GDI2: variants seen among roughly 807,000 people sequenced by gnomAD.
GDI2 encodes the protein rab GDP dissociation inhibitor beta.
GDI2 carries 22 observed loss-of-function variants against 54.2 expected under a neutral mutation model. The ratio of observed to expected loss-of-function variants is 0.41; its 90% CI spans 0.29 to 0.58. The LOEUF is 0.58. Ranked by LOEUF, GDI2 falls within the 20% of genes least tolerant of loss-of-function variation. GDI2 has a pLI of 0.35. For synonymous variants in GDI2, 177 were observed against 182.1 expected, an observed-to-expected ratio of 0.97 and a Z score of 0.23; for missense variants, 422 against 546.0, an observed-to-expected ratio of 0.77 and a Z score of 2.26.
rs142276437 is a variant in GDI2 at position 5,812,511 on chromosome 10, G to C, written c.45+703C>G. On this transcript the variant is annotated intron_variant, in intron 1 of 10. Coordinates refer to ENST00000380191, the MANE Select transcript of GDI2 (RefSeq NM_001494.4). Reference sequence around the variant, plus strand: ...CCACCAAACAAAAGGAAAAGGCGGCGAAGGTCAGGTGCGAAAGCATTTGAC... The same window carrying C: ...CCACCAAACAAAAGGAAAAGGCGGCCAAGGTCAGGTGCGAAAGCATTTGAC... 6.1e-3 allele frequency among the ~76,000 whole-genome samples: 935 copies of C among 152,292 alleles called. 6 individuals are homozygous for C. The highest frequency in any genetic ancestry group is 8.2e-3 in the Non-Finnish European group (556 of 68,016).
Position 5,779,026 on chromosome 10 carries a change from A to G in GDI2, c.720-5085T>C, listed in dbSNP as rs368051541. On this transcript the variant is annotated intron_variant, in intron 6 of 10. Coordinates refer to ENST00000380191, the MANE Select transcript of GDI2 (RefSeq NM_001494.4). ...GTGATCCAAAGAAAACAGAAAAACA[A>G]ACAACAGAAACAGATGCCCAAATGT... 1.2e-4 allele frequency among the ~76,000 whole-genome samples: 18 copies of G among 152,324 alleles called. No homozygotes were observed. In the South Asian group the frequency reaches 3.3e-3, roughly 28 times the overall value.
At chr10:5,788,144 A>G (rs1467948557) in intron 4 of GDI2, among the ~76,000 whole-genome samples, 1 of 152,168 alleles carries the variant, frequency 6.6e-6, no homozygotes. Flanking sequence ...CATTCTGAAA[A>G]ACTCCTAATT....
In GDI2 at chr10:5,812,687, T is replaced by C. The variant is rs376129416; in HGVS notation, c.45+527A>G. Among the ~76,000 whole-genome samples the C allele has an allele frequency of 3.3e-5, 5 of 152,194 alleles. No individual in the cohort carries two copies. In the South Asian group the frequency reaches 1.0e-3, roughly 32 times the overall value. On this transcript the variant is annotated intron_variant, in intron 1 of 10. Transcript: ENST00000380191. ...TCCACGTTTTCGCCAAAAATATAAG[T>C]TAATCAAGCCCTAGCAGTTCCGAAG... is the stretch of plus-strand genomic sequence containing the variant.
In GDI2 at chr10:5,776,288, G is replaced by C. The variant is rs1418599452; in HGVS notation, c.720-2347C>G. ...GAAAAGGGCCCAGCGTGAAAAGACT[G>C]AAAGCCCAGCAGAACATAGGATGTA... On this transcript the variant is annotated intron_variant, in intron 6 of 10. Coordinates refer to ENST00000380191, the MANE Select transcript of GDI2 (RefSeq NM_001494.4). This position sits in a 1 kb window ranked among gnomAD's most constrained non-coding sequence, Gnocchi z 5.3. 1.8e-6 allele frequency: 1 copy of C among 551,386 alleles called. No individual in the cohort carries two copies. Among genetic ancestry groups the C allele is most frequent in the Admixed American group, 2.6e-5 (1 of 37,750 alleles). The allele number at this position is 551,386 out of a possible 1,614,324, so 34.2% of individuals were successfully genotyped here. A position where few individuals can be genotyped will look rare whatever the true frequency, so the allele number is the denominator to read the frequency against.
At chr10:5,807,537 C>T (rs977647026) in intron 1 of GDI2, among the ~76,000 whole-genome samples, 4 of 152,216 alleles carry the variant, frequency 2.6e-5, no homozygotes, top group Admixed American at 1.3e-4. Context: ...GATAAGAATA[C>T]ATATTCACAT....
chr10:5,789,692 ATAT>A (rs1840966941), intron 4 of GDI2, among the ~76,000 whole-genome samples: 1 of 152,214 alleles, frequency 6.6e-6, no homozygotes, highest in African/African-American at 2.4e-5. Context: ...ATATATGTAG[ATAT>A]TATTTACTAT....
intron 7 of GDI2, among the ~76,000 whole-genome samples, chr10:5,770,957 C>T (rs559770852): frequency 1.0e-3 from 90 of 86,436 alleles, no homozygotes; most frequent in African/African-American, 4.4e-3. Context: ...CAAAGTGAGA[C>T]TGTCTCAAAA....
chr10:5,765,770 A>AG lies in GDI2; in HGVS notation c.*235_*236insC. 2.3e-6 allele frequency: 1 copy of AG among 441,898 alleles called. No individual in the cohort carries two copies. Among genetic ancestry groups the AG allele is most frequent in the Non-Finnish European group, 3.9e-6 (1 of 253,240 alleles). 27.4% of individuals were successfully genotyped at this position (441,898 alleles called of 1,614,324 possible). A position where few individuals can be genotyped will look rare whatever the true frequency, so the allele number is the denominator to read the frequency against. Reference sequence around the variant, plus strand: ...CCAATGTTTGTTTAACTTCACTAGAAAAAAAAAAAGCCAGTTTGGTTAAAT... The same window carrying AG: ...CCAATGTTTGTTTAACTTCACTAGAAGAAAAAAAAAGCCAGTTTGGTTAAAT... On this transcript the variant is annotated 3_prime_UTR_variant, in exon 11 of 11. Coordinates refer to ENST00000380191, the MANE Select transcript of GDI2 (RefSeq NM_001494.4).
intron 1 of GDI2, among the ~76,000 whole-genome samples, chr10:5,807,288 T>C (rs944979825): frequency 1.3e-5 from 2 of 152,222 alleles, no homozygotes; most frequent in African/African-American, 4.8e-5. Context: ...CAGCTCAAAA[T>C]TAAATTCTAC....
At chr10:5,797,306 G>C (rs764661713) in intron 2 of GDI2, among the ~76,000 whole-genome samples, 6 of 151,774 alleles carry the variant, frequency 4.0e-5, no homozygotes, top group Non-Finnish European at 8.8e-5. Flanking sequence ...AAACACTTTG[G>C]GAGGCCGAGG....
chr10:5,811,080 T>C (rs1466178968), intron 1 of GDI2, among the ~76,000 whole-genome samples: 1 of 152,248 alleles, frequency 6.6e-6, no homozygotes, highest in African/African-American at 2.4e-5. Context: ...GTGCTAACTT[T>C]GGTTTTCTCT....
At chr10:5,791,674 G>A (rs1403564307) in intron 4 of GDI2, among the ~76,000 whole-genome samples, 1 of 151,696 alleles carries the variant, frequency 6.6e-6, no homozygotes, top group Non-Finnish European at 1.5e-5. Flanking sequence ...TTGAACCCAG[G>A]AGGCGGAGGT....
At chr10:5,784,762 G>C (rs1840835718) in intron 6 of GDI2, among the ~76,000 whole-genome samples, 1 of 152,226 alleles carries the variant, frequency 6.6e-6, no homozygotes, top group Admixed American at 6.5e-5. Flanking sequence ...TGTCTGCAAA[G>C]AGTCCTGTGA....
rs1840618953 is a variant in GDI2 at position 5,776,329 on chromosome 10, A to G, written c.720-2388T>C. ...ATAGGATGTAGCTGCCCATCTCACA[A>G]ACCCTCTGCTGAGGATGCAGAGAGC... is the stretch of plus-strand genomic sequence containing the variant. On this transcript the variant is annotated intron_variant, in intron 6 of 10. Transcript: ENST00000380191. This position sits in a 1 kb window ranked among gnomAD's most constrained non-coding sequence, Gnocchi z 5.3. 1.3e-5 allele frequency: 8 copies of G among 629,528 alleles called. No individual in the cohort carries two copies. Among genetic ancestry groups the G allele is most frequent in the Middle Eastern group, 4.8e-4 (1 of 2,074 alleles). The allele number at this position is 629,528 out of a possible 1,614,324, so 39.0% of individuals were successfully genotyped here.
intron 6 of GDI2, 102 bp downstream of exon 6, chr10:5,785,040 C>T: frequency 1.4e-6 from 1 of 709,194 alleles, no homozygotes; most frequent in Non-Finnish European, 2.2e-6. Context: ...CATCTTATTA[C>T]TCATAGACTG....
intron 1 of GDI2, among the ~76,000 whole-genome samples, chr10:5,809,075 T>C (rs1588991849): frequency 6.6e-6 from 1 of 151,962 alleles, no homozygotes; most frequent in Non-Finnish European, 1.5e-5. Flanking sequence ...TGAAACCCCA[T>C]CTCTACTAAA....
chr10:5,783,561 G>C (rs1211497296), intron 6 of GDI2, among the ~76,000 whole-genome samples: 2 of 152,064 alleles, frequency 1.3e-5, no homozygotes, highest in Non-Finnish European at 2.9e-5. Flanking sequence ...TGTGATTTAT[G>C]CTTTAAGGAG....
intron 3 of GDI2, 97 bp downstream of exon 3, chr10:5,796,666 G>A: frequency 1.5e-6 from 1 of 686,396 alleles, no homozygotes. Flanking sequence ...ACAAAATCCA[G>A]TTCCTCATAC....
intron 2 of GDI2, among the ~76,000 whole-genome samples, chr10:5,799,739 A>G (rs1588985662): frequency 1.3e-5 from 2 of 152,370 alleles, no homozygotes; most frequent in East Asian, 3.9e-4. Flanking sequence ...GGAAATTTGA[A>G]TATGGTTCTG....
Sources: allele counts gnomAD v4.1 joint callset (sites outside exome capture counted in the v4.1 genomes callset), GRCh38; gene constraint gnomAD v4.1.1; non-coding constraint Gnocchi (gnomAD v3.1); transcripts MANE v1.5; gene names NCBI Gene and HGNC (gene_info 2026-07-23, HGNC 2026-07-21).